Variants in ARHGAP44 observed in about 807,000 individuals in gnomAD.
ARHGAP44 encodes the protein Rho GTPase activating protein 44, also known as rho GTPase-activating protein 44.
A neutral mutation model predicts 106.8 loss-of-function variants in ARHGAP44; 43 were observed. That is an observed-to-expected ratio of 0.40 (90% CI 0.32 to 0.52). The LOEUF (loss-of-function observed/expected upper bound fraction) is 0.52, where lower values mean the gene tolerates loss of function less well. Among genes scored for constraint, ARHGAP44 ranks in the 20% least tolerant of loss-of-function variants. The pLI is 0.48. For synonymous variants in ARHGAP44, 439 were observed against 410.3 expected (o/e 1.07, Z -0.85); for missense variants, 866 against 1,050.5 (o/e 0.82, Z 2.43).
chr17:12,954,135 T>G (rs2039068863), intron 13 of ARHGAP44, among the ~76,000 whole-genome samples: 1 of 150,944 alleles, frequency 6.6e-6, no homozygotes, highest in African/African-American at 2.4e-5. Flanking sequence ...TGGCCACAGG[T>G]GATCCGCCCG....
intron 16 of ARHGAP44, among the ~76,000 whole-genome samples, chr17:12,962,810 C>G (rs1567711655): frequency 6.6e-6 from 1 of 152,062 alleles, no homozygotes. Flanking sequence ...CTTTGGGTGG[C>G]CGAGTTGGGT....
chr17:12,922,902 G>A (rs573666606), intron 6 of ARHGAP44, among the ~76,000 whole-genome samples: 20 of 152,234 alleles, frequency 1.3e-4, no homozygotes, highest in African/African-American at 2.9e-4. Flanking sequence ...TTCTGCAAAC[G>A]TACATGCCAC....
intron 1 of ARHGAP44, among the ~76,000 whole-genome samples, chr17:12,891,073 T>C (rs1008133304): frequency 6.6e-6 from 1 of 152,220 alleles, no homozygotes; most frequent in South Asian, 2.1e-4. Flanking sequence ...ATTGTGATCA[T>C]TAATATCTAA....
rs78381269 is a variant in ARHGAP44, at chr17:12,851,379, C to T, written c.54-43561C>T. 3.2e-3 allele frequency among the ~76,000 whole-genome samples: 491 copies of T among 152,328 alleles called. 2 individuals are homozygous for T. Among genetic ancestry groups the T allele is most frequent in the Middle Eastern group, 0.01 (3 of 294 alleles). On this transcript the variant is annotated intron_variant, in intron 1 of 20. Transcript: ENST00000379672. Reference sequence around the variant, plus strand: ...CAGAGAAGTCTAAAAGGTAGGAAAGCTGTGCTTGCCGTCGAGGACCCACTG... The same window carrying T: ...CAGAGAAGTCTAAAAGGTAGGAAAGTTGTGCTTGCCGTCGAGGACCCACTG...
chr17:12,791,148 T>G (rs2150747644), intron 1 of ARHGAP44, among the ~76,000 whole-genome samples: 1 of 152,282 alleles, frequency 6.6e-6, no homozygotes, highest in Admixed American at 6.5e-5. Flanking sequence ...CTTCTTATGC[T>G]TCCAGGGACT....
intron 9 of ARHGAP44, among the ~76,000 whole-genome samples, 175 bp from the exon 10 acceptor site, chr17:12,943,894 C>T (rs567702031): frequency 1.3e-5 from 2 of 152,142 alleles, no homozygotes; most frequent in Non-Finnish European, 2.9e-5. Flanking sequence ...GGCTGGCCAT[C>T]CCCCACCCCC....
At chr17:12,877,982 T>A (rs1464085811) in intron 1 of ARHGAP44, among the ~76,000 whole-genome samples, 1 of 152,174 alleles carries the variant, frequency 6.6e-6, no homozygotes, top group East Asian at 1.9e-4. Flanking sequence ...AGAGGTGCTG[T>A]AGTGATTATC....
chr17:12,879,468 C>T (rs1272784752), intron 1 of ARHGAP44, among the ~76,000 whole-genome samples: 1 of 152,002 alleles, frequency 6.6e-6, no homozygotes, highest in Non-Finnish European at 1.5e-5. Context: ...ACTTCTTTTC[C>T]TCTGAGTAGA....
chr17:12,965,235 A>G (rs2039361225), intron 16 of ARHGAP44, among the ~76,000 whole-genome samples: 2 of 152,148 alleles, frequency 1.3e-5, no homozygotes, highest in Admixed American at 6.6e-5. Flanking sequence ...AGACCAACAT[A>G]CAGCTCCTCT....
chr17:12,812,547 A>G (rs541490521), intron 1 of ARHGAP44, among the ~76,000 whole-genome samples: 60 of 152,240 alleles, frequency 3.9e-4, no homozygotes, highest in Non-Finnish European at 7.3e-4. Flanking sequence ...TCAGATCCAA[A>G]TGCAGCAATA....
chr17:12,794,411 G>T (rs1171737047), intron 1 of ARHGAP44, among the ~76,000 whole-genome samples: 1 of 152,156 alleles, frequency 6.6e-6, no homozygotes, highest in Non-Finnish European at 1.5e-5. Flanking sequence ...GTGGTTCGTT[G>T]TCACTGAACA....
intron 1 of ARHGAP44, among the ~76,000 whole-genome samples, chr17:12,827,033 A>T (rs1275868886): frequency 1.3e-5 from 2 of 152,108 alleles, no homozygotes; most frequent in Non-Finnish European, 2.9e-5. Flanking sequence ...TAAGATTCAA[A>T]CTTGATTTCC....
intron 18 of ARHGAP44, among the ~76,000 whole-genome samples, chr17:12,974,603 CTCTG>C (rs1306107952): frequency 3.3e-5 from 5 of 152,234 alleles, no homozygotes; most frequent in Admixed American, 2.0e-4. Context: ...TTTCCCCTTC[CTCTG>C]TCTTTGTCGT....
At chr17:12,811,683 A>G (rs2034446449) in intron 1 of ARHGAP44, among the ~76,000 whole-genome samples, 1 of 152,182 alleles carries the variant, frequency 6.6e-6, no homozygotes, top group South Asian at 2.1e-4. Context: ...TAGTGTCAGC[A>G]TTGAGTTGAA....
chr17:12,950,441 A>G (rs1471871503), intron 12 of ARHGAP44, among the ~76,000 whole-genome samples: 3 of 152,136 alleles, frequency 2.0e-5, no homozygotes, highest in Non-Finnish European at 2.9e-5. Context: ...GTGTGTCGGG[A>G]AGAGTACAGC....
intron 10 of ARHGAP44, among the ~76,000 whole-genome samples, chr17:12,944,924 A>C (rs184986317): frequency 3.7e-4 from 57 of 152,100 alleles, no homozygotes; most frequent in African/African-American, 1.3e-3. Flanking sequence ...TTTTTATCAC[A>C]ACTCTTATAG....
At chr17:12,978,367 A>T (rs1394674710) in intron 18 of ARHGAP44, among the ~76,000 whole-genome samples, 2 of 122,862 alleles carry the variant, frequency 1.6e-5, no homozygotes, top group East Asian at 1.3e-3. Context: ...GAAAGGAATT[A>T]CTGCTCTTTT....
At position 12,802,952 on chromosome 17, in the gene ARHGAP44, TATATATATATA is replaced by T. The variant is rs1567621294; in HGVS notation, c.53+13062_53+13072del. Reference sequence around the variant, plus strand: ...TTATATATATATATATATATATATATATATATATATATATATATTTTTTTTTTTTTTTTTTT... The same window carrying T: ...TTATATATATATATATATATATATATTATATATTTTTTTTTTTTTTTTTTT... On this transcript the variant is annotated intron_variant, in intron 1 of 20. Coordinates refer to ENST00000379672, the MANE Select transcript of ARHGAP44 (RefSeq NM_014859.6). 2.3e-3 allele frequency among the ~76,000 whole-genome samples: 55 copies of T among 23,848 alleles called. 4 individuals carry two copies. The highest frequency in any genetic ancestry group is 0.015 in the African/African-American group (53 of 3,620). The allele number at this position is 23,848 out of a possible 152,430, so 15.6% of individuals were successfully genotyped here. A position where few individuals can be genotyped will look rare whatever the true frequency, so the allele number is the denominator to read the frequency against.
At chr17:12,969,594 G>A (rs1170348322) in intron 16 of ARHGAP44, among the ~76,000 whole-genome samples, 1 of 152,148 alleles carries the variant, frequency 6.6e-6, no homozygotes, top group African/African-American at 2.4e-5. Context: ...AGAGGCTGTG[G>A]AGTCACCACG....
Sources: gnomAD v4.1 joint callset for allele counts (sites outside exome capture counted in the v4.1 genomes callset) on GRCh38, gnomAD v4.1.1 for gene constraint, MANE v1.5 for transcripts, NCBI Gene and HGNC (gene_info 2026-07-23, HGNC 2026-07-21) for gene names.